Variants in TRPM8 observed in about 807,000 individuals in gnomAD.
TRPM8 encodes TRPM8 cationic channel.
In TRPM8, 110 loss-of-function variants were observed where a neutral mutation model predicts 133.7. The ratio of observed to expected loss-of-function variants is 0.82; its 90% CI spans 0.70 to 0.96. The LOEUF is 0.96. Among genes scored for constraint, TRPM8 ranks in the 40% least tolerant of loss-of-function variants. TRPM8 has a pLI of 0.00. For synonymous variants in TRPM8, 535 were observed against 532.3 expected (o/e 1.01, Z -0.07); for missense variants, 1,291 against 1,379.5 (o/e 0.94, Z 1.02).
At chr2:233,990,729 T>C (rs953641640) in intron 21 of TRPM8, among the ~76,000 whole-genome samples, 3 of 152,146 alleles carry the variant, frequency 2.0e-5, no homozygotes, top group Admixed American at 6.5e-5. Context: ...GTCTGTGCAC[T>C]GTTAGGTGGT....
At chr2:234,005,018 T>C (rs1295340332) in intron 22 of TRPM8, among the ~76,000 whole-genome samples, 3 of 152,384 alleles carry the variant, frequency 2.0e-5, no homozygotes, top group South Asian at 4.1e-4. Flanking sequence ...TAGATTGTTT[T>C]GATGCTTTTG....
chr2:234,014,786 A>AAC, intron 25 of TRPM8, 132 bp downstream of exon 25: 1 of 430,384 alleles, frequency 2.3e-6, no homozygotes. Context: ...GCATTGTGCA[A>AAC]AAAAAAAAAA....
At chr2:233,971,548 T>C (rs1691719330) in intron 17 of TRPM8, among the ~76,000 whole-genome samples, 1 of 151,998 alleles carries the variant, frequency 6.6e-6, no homozygotes, top group African/African-American at 2.4e-5. Flanking sequence ...GTGGAGGAAG[T>C]GTGTCTGGAA....
At chr2:233,977,486 T>C (rs1691899163) in intron 17 of TRPM8, among the ~76,000 whole-genome samples, 1 of 152,174 alleles carries the variant, frequency 6.6e-6, no homozygotes, top group African/African-American at 2.4e-5. Flanking sequence ...CGGGCTGAGG[T>C]TGGGCTGGGG....
At chr2:234,005,331 C>A (rs1692666093) in intron 22 of TRPM8, among the ~76,000 whole-genome samples, 1 of 152,166 alleles carries the variant, frequency 6.6e-6, no homozygotes, top group African/African-American at 2.4e-5. Context: ...GCGATGTCAT[C>A]ATTTCAATCA....
chr2:233,973,429 G>A (rs951609874), intron 17 of TRPM8, among the ~76,000 whole-genome samples: 6 of 152,186 alleles, frequency 3.9e-5, no homozygotes, highest in Admixed American at 3.3e-4. Flanking sequence ...TCCTTGGCTT[G>A]TCGATGCATC....
At chr2:233,973,105 G>A in intron 17 of TRPM8, among the ~76,000 whole-genome samples, 1 of 152,306 alleles carries the variant, frequency 6.6e-6, no homozygotes, top group Non-Finnish European at 1.5e-5. Flanking sequence ...AGCAATTCTT[G>A]CCCCAGGACG....
At chr2:234,002,293 CA>C in intron 22 of TRPM8, among the ~76,000 whole-genome samples, 1 of 152,072 alleles carries the variant, frequency 6.6e-6, no homozygotes, top group East Asian at 2.0e-4. Flanking sequence ...CTGAGGGTTG[CA>C]GGAGACGAGA....
intron 22 of TRPM8, among the ~76,000 whole-genome samples, chr2:234,005,185 G>C (rs1235732037): frequency 6.6e-6 from 1 of 151,032 alleles, no homozygotes; most frequent in Non-Finnish European, 1.5e-5. Flanking sequence ...TCCACCTTCT[G>C]GTCCCCCATT....
chr2:233,939,127 C>A lies in TRPM8; in HGVS notation c.478C>A (p.Arg160Ser). 1 of 1,614,168 alleles carries A rather than the reference C, an allele frequency of 6.2e-7. No individual in the cohort carries two copies. The highest frequency in any genetic ancestry group is 8.5e-7 in the Non-Finnish European group (1 of 1,180,046). The change falls in exon 5 of 26, where the codon CGC becomes AGC. Residue 160 changes from arginine to serine, a missense_variant. Physicochemically the swap from Arg to Ser is moderately radical, Grantham distance 110. Coordinates refer to ENST00000324695, the MANE Select transcript of TRPM8 (RefSeq NM_024080.5). ...GGAKNFALKP[R>S]MRKIFSRLIY... ...CGCCAAGAACTTCGCCCTGAAGCCG[C>A]GCATGCGCAAGATCTTCAGCCGGCT... is the stretch of plus-strand genomic sequence containing the variant.
chr2:233,991,179 C>T (rs967527576), intron 21 of TRPM8, among the ~76,000 whole-genome samples: 5 of 151,998 alleles, frequency 3.3e-5, no homozygotes, highest in Admixed American at 1.3e-4. Flanking sequence ...TATGGAGAGT[C>T]TTTTATAGTA....
intron 22 of TRPM8, among the ~76,000 whole-genome samples, chr2:234,001,093 A>G (rs943959443): frequency 3.3e-5 from 5 of 152,206 alleles, no homozygotes; most frequent in African/African-American, 7.2e-5. Flanking sequence ...AGCAAGGCCT[A>G]TGCATTCACA....
Position 233,970,192 on chromosome 2 carries a change from C to T in TRPM8, c.2139-18C>T. 2 of 1,612,490 alleles carry T rather than the reference C, an allele frequency of 1.2e-6. No homozygotes were observed. Among genetic ancestry groups the T allele is most frequent in the Non-Finnish European group, 1.7e-6 (2 of 1,178,578 alleles). ...ATGCTTGCAAGGATGCTGACGATGC[C>T]CTTATCTCTGGGTCCAGGAAGAAAC... On this transcript the variant is annotated intron_variant, in intron 16 of 25. Transcript: ENST00000324695.
At chr2:233,924,176 G>A (rs1691465548) in intron 1 of TRPM8, among the ~76,000 whole-genome samples, 1 of 152,132 alleles carries the variant, frequency 6.6e-6, no homozygotes, top group South Asian at 2.1e-4. Context: ...GTCCAAGGTG[G>A]GCAAGTCAGG....
rs1420473045 is a variant in TRPM8, at chr2:234,018,003, AT to A, written c.*748del. ...TCCTCTTATTATTTTTCCATTAAAA[AT>A]AATAGCTGGCTATTATAGAAAATTT... On this transcript the variant is annotated 3_prime_UTR_variant, in exon 26 of 26. Transcript: ENST00000324695. The A allele has an allele frequency of 6.6e-6, 1 of 152,242 alleles. No homozygotes were observed. Among genetic ancestry groups the A allele is most frequent in the African/African-American group, 2.4e-5 (1 of 41,470 alleles). 9.4% of individuals were successfully genotyped at this position (152,242 alleles called of 1,614,324 possible). A position where few individuals can be genotyped will look rare whatever the true frequency, so the allele number is the denominator to read the frequency against.
chr2:233,919,207 T>C (rs1691360996), intron 1 of TRPM8, among the ~76,000 whole-genome samples: 1 of 152,188 alleles, frequency 6.6e-6, no homozygotes. Flanking sequence ...AATATTTTTT[T>C]TGTATTGAGT....
At chr2:233,986,572 T>C (rs749921995) in intron 21 of TRPM8, among the ~76,000 whole-genome samples, 8 of 152,202 alleles carry the variant, frequency 5.3e-5, no homozygotes, top group Non-Finnish European at 8.8e-5. Context: ...CCAACACATA[T>C]GCACATTTAA....
chr2:233,940,997 A>C (rs887193108), intron 5 of TRPM8, among the ~76,000 whole-genome samples: 2 of 152,178 alleles, frequency 1.3e-5, no homozygotes, highest in African/African-American at 4.8e-5. Flanking sequence ...TGTTAGCATG[A>C]TCTGAGGGAG....
intron 12 of TRPM8, 94 bp downstream of exon 12, chr2:233,961,160 C>A: frequency 1.6e-6 from 2 of 1,232,974 alleles, no homozygotes; most frequent in Non-Finnish European, 2.2e-6. Context: ...TATCTTATTG[C>A]CATAAAATAC....
Sources: allele counts gnomAD v4.1 joint callset (sites outside exome capture counted in the v4.1 genomes callset), GRCh38; gene constraint gnomAD v4.1.1; transcripts MANE v1.5; gene names NCBI Gene and HGNC (gene_info 2026-07-23, HGNC 2026-07-21).